Variants in NT5C2 observed in about 807,000 individuals in gnomAD.
NT5C2 encodes 5'-nucleotidase, cytosolic II.
Under a neutral mutation model 76.1 loss-of-function variants are expected in NT5C2, and 58 were observed. That is an observed-to-expected ratio of 0.76 (90% CI 0.62 to 0.95). NT5C2 has a LOEUF of 0.95. Ranked by LOEUF, NT5C2 falls within the 40% of genes least tolerant of loss-of-function variation. The probability of loss-of-function intolerance (pLI) is 0.00; values close to 1 mark genes in which losing one functional copy is unlikely to be tolerated. For synonymous variants in NT5C2, 229 were observed against 237.4 expected (o/e 0.96, Z 0.32); for missense variants, 478 against 690.3 (o/e 0.69, Z 3.45).
chr10:103,097,824 A>G, intron 10 of NT5C2: 3 of 344,644 alleles, frequency 8.7e-6, no homozygotes, highest in Non-Finnish European at 5.5e-6. Context: ...GAATGAAATG[A>G]CATGTGCAGA....
chr10:103,182,150 T>C lies in NT5C2; in HGVS notation c.-168-822A>G, dbSNP rs538738734. 1.1e-4 allele frequency among the ~76,000 whole-genome samples: 17 copies of C among 152,214 alleles called. No homozygotes were observed. In the South Asian group the frequency reaches 3.5e-3, roughly 32 times the overall value. ...TTTTACATGTCTGTTTCAAGTCAGGTCAGTAATTCATTTGGAATAAAGTGA... is the reference window on the plus strand; with the variant it reads ...TTTTACATGTCTGTTTCAAGTCAGGCCAGTAATTCATTTGGAATAAAGTGA... On this transcript the variant is annotated intron_variant, in intron 1 of 18. Transcript: ENST00000404739.
chr10:103,094,674 G>T (rs1442389213), intron 12 of NT5C2: 2 of 463,442 alleles, frequency 4.3e-6, no homozygotes, highest in African/African-American at 4.0e-5. Flanking sequence ...ACAAGGTCCG[G>T]AAATCAAGAC....
chr10:103,147,353 T>C (rs1322627270), intron 3 of NT5C2, among the ~76,000 whole-genome samples: 1 of 152,240 alleles, frequency 6.6e-6, no homozygotes, highest in Non-Finnish European at 1.5e-5. Context: ...TACTTGCTAT[T>C]TCCTAAATAT....
chr10:103,160,513 C>T (rs1277813378), intron 3 of NT5C2, among the ~76,000 whole-genome samples: 1 of 152,108 alleles, frequency 6.6e-6, no homozygotes, highest in Non-Finnish European at 1.5e-5. Flanking sequence ...TGATAAAGGT[C>T]TAGAATCCAG....
chr10:103,192,451 A>G (rs1418786704), intron 1 of NT5C2, among the ~76,000 whole-genome samples: 1 of 151,876 alleles, frequency 6.6e-6, no homozygotes, highest in Non-Finnish European at 1.5e-5. Flanking sequence ...AACCCCCAAA[A>G]CGTTTTTCTT....
chr10:103,173,754 G>T (rs12774412), intron 3 of NT5C2, among the ~76,000 whole-genome samples: 16,034 of 149,688 alleles, frequency 0.11, 1,108 homozygotes, highest in Non-Finnish European at 0.15. Flanking sequence ...GTGAAACCCT[G>T]TCACTACTAA....
chr10:103,183,293 A>ATATATATATC (rs1317846828), intron 1 of NT5C2, among the ~76,000 whole-genome samples: 1 of 109,388 alleles, frequency 9.1e-6, no homozygotes, highest in Non-Finnish European at 1.9e-5. Context: ...ATATATATAT[A>ATATATATATC]TCACACACTC....
At position 103,183,262 on chromosome 10, in the gene NT5C2, GATATATAT is replaced by G. The variant is rs201371414; in HGVS notation, c.-168-1942_-168-1935del. On this transcript the variant is annotated intron_variant, in intron 1 of 18. Transcript: ENST00000404739. ...GAGATATATATATATGTGTGTGTGT[GATATATAT>G]ATATATATATATATATATATATATC... Among the ~76,000 whole-genome samples, 404 of 73,374 alleles carry G rather than the reference GATATATAT, an allele frequency of 5.5e-3. 10 individuals are homozygous for G. The highest frequency in any genetic ancestry group is 0.016 in the African/African-American group (241 of 15,334). The allele number at this position is 73,374 out of a possible 152,430, so 48.1% of individuals were successfully genotyped here.
chr10:103,115,426 C>T (rs2074105730), intron 4 of NT5C2, among the ~76,000 whole-genome samples: 1 of 152,010 alleles, frequency 6.6e-6, no homozygotes, highest in East Asian at 1.9e-4. Flanking sequence ...AAGAAAATAG[C>T]CTGGATGCTG....
chr10:103,169,162 A>C (rs996169280), intron 3 of NT5C2: 3 of 152,174 alleles, frequency 2.0e-5, no homozygotes, highest in Non-Finnish European at 4.4e-5. Flanking sequence ...AAAAATGATA[A>C]ATGTAAGAGG....
Position 103,182,303 on chromosome 10 carries a change from T to C in NT5C2, c.-168-975A>G, listed in dbSNP as rs75874395. Among the ~76,000 whole-genome samples, 930 of 152,296 alleles carry C rather than the reference T, an allele frequency of 6.1e-3. 10 individuals are homozygous for C. The highest frequency in any genetic ancestry group is 9.4e-3 in the Non-Finnish European group (641 of 68,022). On this transcript the variant is annotated intron_variant, in intron 1 of 18. Coordinates refer to ENST00000404739, the MANE Select transcript of NT5C2 (RefSeq NM_001351169.2). ...AGATAATAGGGTAATAATAGCAGTATGAATAATCAGTAGTTTCTACTTCAC... is the reference window on the plus strand; with the variant it reads ...AGATAATAGGGTAATAATAGCAGTACGAATAATCAGTAGTTTCTACTTCAC...
intron 10 of NT5C2, chr10:103,098,255 T>C (rs949144339): frequency 1.0e-5 from 3 of 300,760 alleles, no homozygotes; most frequent in Non-Finnish European, 1.9e-5. Flanking sequence ...AGTATAATTA[T>C]GAAAAGTATG....
Position 103,089,119 on chromosome 10 carries a change from T to C in NT5C2, c.*553A>G, listed in dbSNP as rs191676912. On this transcript the variant is annotated 3_prime_UTR_variant, in exon 19 of 19. Transcript: ENST00000404739. ...GCATACTTCTGTGCAAAGCCAGTGA[T>C]AGAGAAGCAGCCTTGCCAGAGTCAC... 4.2e-4 allele frequency: 96 copies of C among 227,202 alleles called. No individual in the cohort carries two copies. The highest frequency in any genetic ancestry group is 9.1e-4 in the Admixed American group (16 of 17,616). 14.1% of individuals were successfully genotyped at this position (227,202 alleles called of 1,614,324 possible).
chr10:103,163,860 C>CAA (rs1156583063), intron 3 of NT5C2, among the ~76,000 whole-genome samples: 29 of 50,382 alleles, frequency 5.8e-4, no homozygotes, highest in East Asian at 1.1e-3. Flanking sequence ...ACTAAAAATA[C>CAA]AAAAAAAAAA....
chr10:103,116,466 T>C (rs2074350288), intron 4 of NT5C2, among the ~76,000 whole-genome samples: 1 of 152,216 alleles, frequency 6.6e-6, no homozygotes, highest in African/African-American at 2.4e-5. Context: ...TTCCTTTAAT[T>C]ACTGCTTAAA....
At chr10:103,129,983 G>T (rs1485878375) in intron 4 of NT5C2, among the ~76,000 whole-genome samples, 1 of 149,552 alleles carries the variant, frequency 6.7e-6, no homozygotes, top group Non-Finnish European at 1.5e-5. Context: ...GGTGAGGGGC[G>T]CCTCTGCCCG....
At position 103,136,531 on chromosome 10, in the gene NT5C2, C is replaced by T. The variant is rs148566080; in HGVS notation, c.175+2875G>A. Among the ~76,000 whole-genome samples, 339 of 151,444 alleles carry T rather than the reference C, an allele frequency of 2.2e-3. 4 individuals are homozygous for T. Among genetic ancestry groups the T allele is most frequent in the African/African-American group, 7.9e-3 (324 of 41,232 alleles). ...TACACAAAGTATGTTTGTGTGTAGA[C>T]TAGGAGAAAGCATTAAAATACGAAG... On this transcript the variant is annotated intron_variant, in intron 4 of 18. Transcript: ENST00000404739.
At chr10:103,100,819 AGTG>A in intron 8 of NT5C2, 1 of 657,544 alleles carries the variant, frequency 1.5e-6, no homozygotes. Flanking sequence ...GCCAATCAGA[AGTG>A]GTGGCTGCAG....
chr10:103,089,017 A>G lies in NT5C2; in HGVS notation c.*655T>C. 4.7e-6 allele frequency: 1 copy of G among 212,946 alleles called. No homozygotes were observed. Among genetic ancestry groups the G allele is most frequent in the Non-Finnish European group, 9.5e-6 (1 of 105,186 alleles). The allele number at this position is 212,946 out of a possible 1,614,324, so 13.2% of individuals were successfully genotyped here. On this transcript the variant is annotated 3_prime_UTR_variant, in exon 19 of 19. Coordinates refer to ENST00000404739, the MANE Select transcript of NT5C2 (RefSeq NM_001351169.2). ...TGGATAACAAATAAGCATTTGTGCTATTAAACAAACAAAAGGTAATAAGGA... is the reference window on the plus strand; with the variant it reads ...TGGATAACAAATAAGCATTTGTGCTGTTAAACAAACAAAAGGTAATAAGGA...
Sources: gnomAD v4.1 joint callset for allele counts (sites outside exome capture counted in the v4.1 genomes callset) on GRCh38, gnomAD v4.1.1 for gene constraint, MANE v1.5 for transcripts, NCBI Gene and HGNC (gene_info 2026-07-23, HGNC 2026-07-21) for gene names.